STAT3: variants seen among roughly 807,000 people sequenced by gnomAD.
The protein encoded by STAT3 is DNA-binding protein APRF.
Under a neutral mutation model 114.3 loss-of-function variants are expected in STAT3, and 7 were observed. The observed-to-expected ratio is 0.06, with a 90% CI of 0.03 to 0.11. STAT3 has a LOEUF of 0.11. Ranked by LOEUF, STAT3 falls within the 10% of genes least tolerant of loss-of-function variation. The pLI, the probability that STAT3 is intolerant of heterozygous loss-of-function variation, is 1.00. For missense variants in STAT3, 364 were observed against 960.9 expected (o/e 0.38, Z 8.21); for synonymous variants, 331 against 354.5 (o/e 0.93, Z 0.74).
rs574084876 is a variant in STAT3, at chr17:42,319,291, C to T, written c.2102-2067G>A. Among the ~76,000 whole-genome samples, 5 of 152,070 alleles carry T rather than the reference C, an allele frequency of 3.3e-5. No homozygotes were observed. The East Asian group carries it at 5.8e-4, about 18-fold the overall frequency. On this transcript the variant is annotated intron_variant, in intron 21 of 23. Transcript: ENST00000264657. The stretch of plus-strand genomic sequence containing the variant: ...GCACTGTGGCTCACACCTATAATCC[C>T]AGCACTTTGGGAGGCCCAGGCGGGA...
At position 42,315,770 on chromosome 17, in the gene STAT3, G is replaced by C. The variant is rs140604473; in HGVS notation, c.2288C>G (p.Ser763Trp). 1 of 1,613,966 alleles carries C rather than the reference G, an allele frequency of 6.2e-7. No individual in the cohort carries two copies. Among genetic ancestry groups the C allele is most frequent in the Non-Finnish European group, 8.5e-7 (1 of 1,180,026 alleles). The change falls in exon 24 of 24, where the codon TCG (serine) becomes TGG (tryptophan). Residue 763 changes from serine to tryptophan, a missense_variant. Transcript: ENST00000264657. ...TCACATGGGGGAGGTAGCGCACTCC[G>C]AGGTCAACTCCATGTCAAAGGTGAG... is the stretch of plus-strand genomic sequence containing the variant. The part of the protein sequence containing the change: ...ESLTFDMELT[S>W]ECATSPM
rs2081213736 is a variant in STAT3, at chr17:42,315,498, T to C, written c.*247A>G. 5.0e-6 allele frequency: 3 copies of C among 598,074 alleles called. No homozygotes were observed. The highest frequency in any genetic ancestry group is 5.6e-5 in the East Asian group (2 of 35,972). The allele number at this position is 598,074 out of a possible 1,614,324, so 37.0% of individuals were successfully genotyped here. A position where few individuals can be genotyped will look rare whatever the true frequency, so the allele number is the denominator to read the frequency against. On this transcript the variant is annotated 3_prime_UTR_variant, in exon 24 of 24. Transcript: ENST00000264657. ...TCTAGCCACCCCCCGCCACATCCCC[T>C]GATCATGGGTCTCAGAGAACACATC...
chr17:42,325,853 C>T (rs1165833537), intron 15 of STAT3, among the ~76,000 whole-genome samples: 7 of 152,316 alleles, frequency 4.6e-5, no homozygotes, highest in South Asian at 4.1e-4. Context: ...TGAGCCACCG[C>T]GCCCGGCCAA....
intron 14 of STAT3, among the ~76,000 whole-genome samples, chr17:42,328,030 C>G (rs1191891714): frequency 8.5e-6 from 1 of 117,772 alleles, no homozygotes; most frequent in African/African-American, 4.5e-5. Flanking sequence ...GAACGAGACT[C>G]CGACTCAAAA....
chr17:42,324,564 C>T lies in STAT3; in HGVS notation c.1600+147G>A. On this transcript the variant is annotated intron_variant, in intron 17 of 23. Transcript: ENST00000264657. This position sits in a 1 kb window ranked among gnomAD's most constrained non-coding sequence, Gnocchi z 4.5. ...GTCTCTGCACCCCAACTCCCCAACT[C>T]CCCTGTTTCCTGGCACCAGCACAGC... 8.4e-7 allele frequency: 1 copy of T among 1,189,708 alleles called. No individual in the cohort carries two copies. Among genetic ancestry groups the T allele is most frequent in the Non-Finnish European group, 1.2e-6 (1 of 846,504 alleles). 73.7% of individuals were successfully genotyped at this position (1,189,708 alleles called of 1,614,324 possible).
intron 3 of STAT3, 143 bp downstream of exon 3, chr17:42,346,426 G>T: frequency 1.6e-6 from 2 of 1,215,672 alleles, no homozygotes; most frequent in Non-Finnish European, 2.4e-6. Flanking sequence ...TTTGAGAAAG[G>T]GCTAATTACT....
chr17:42,365,549 T>C (rs1490385899), intron 1 of STAT3, among the ~76,000 whole-genome samples: 1 of 151,982 alleles, frequency 6.6e-6, no homozygotes, highest in African/African-American at 2.4e-5. Context: ...TTTACTAACA[T>C]AGTGATTGAA....
In STAT3 at chr17:42,346,597, T is replaced by C. The variant is rs776494537; in HGVS notation, c.245A>G (p.Asn82Ser). ...AAGAAACTGCTTGATTCTTCGTAGATTGTGCTGATAGAGAACATTCGACTC... is the reference window on the plus strand; with the variant it reads ...AAGAAACTGCTTGATTCTTCGTAGACTGTGCTGATAGAGAACATTCGACTC... Reference protein sequence around the residue: ...LQESNVLYQHNLRRIKQFLQS... With the variant: ...LQESNVLYQHSLRRIKQFLQS... Residue 82 changes from asparagine (N) to serine (S), a missense_variant, in exon 3 of 24, where the codon AAT (asparagine) becomes AGT (serine). Coordinates refer to ENST00000264657, the MANE Select transcript of STAT3 (RefSeq NM_139276.3). 1 of 1,614,166 alleles carries C rather than the reference T, an allele frequency of 6.2e-7. No individual in the cohort carries two copies.
At chr17:42,368,732 C>A (rs2083939948) in intron 1 of STAT3, among the ~76,000 whole-genome samples, 1 of 136,890 alleles carries the variant, frequency 7.3e-6, no homozygotes, top group Admixed American at 7.4e-5. Flanking sequence ...TGCAACCAGC[C>A]TTTTTTTTTT....
At chr17:42,344,832 C>A (rs1398330155) in intron 4 of STAT3, among the ~76,000 whole-genome samples, 2 of 151,036 alleles carry the variant, frequency 1.3e-5, no homozygotes, top group African/African-American at 4.9e-5. Flanking sequence ...GGATTACAGG[C>A]GTGAGCTACT....
chr17:42,377,018 C>T (rs1465372813), intron 1 of STAT3, among the ~76,000 whole-genome samples: 18 of 152,106 alleles, frequency 1.2e-4, no homozygotes, highest in Non-Finnish European at 1.9e-4. Context: ...ACGATTAAAA[C>T]ATTAAAAATA....
intron 1 of STAT3, among the ~76,000 whole-genome samples, chr17:42,356,687 C>G (rs896726671): frequency 2.0e-5 from 3 of 152,122 alleles, no homozygotes; most frequent in African/African-American, 7.2e-5. Flanking sequence ...AAGCTGGTCT[C>G]AAACTCCTGG....
chr17:42,338,540 TGGACC>T lies in STAT3; in HGVS notation c.550+186_550+190del, dbSNP rs1243578668. Among the ~76,000 whole-genome samples the T allele has an allele frequency of 8.5e-4, 78 of 92,250 alleles. 3 individuals are homozygous for T. Among genetic ancestry groups the T allele is most frequent in the African/African-American group, 2.5e-3 (73 of 29,274 alleles). 60.5% of individuals were successfully genotyped at this position (92,250 alleles called of 152,430 possible). A position where few individuals can be genotyped will look rare whatever the true frequency, so the allele number is the denominator to read the frequency against. ...ACTCCTTGACCTGAGGGAATACTCC[TGGACC>T]TGAGGGAATACTCCTGGACCTGAGG... On this transcript the variant is annotated intron_variant, in intron 6 of 23. Transcript: ENST00000264657.
Position 42,314,557 on chromosome 17 carries a change from T to C in STAT3, c.*1188A>G, listed in dbSNP as rs2081184269. ...AGGCACCCACAGAAACAACCTAGCC[T>C]CTGAAACAGCAGATCAAGTCCAGGG... On this transcript the variant is annotated 3_prime_UTR_variant, in exon 24 of 24. Coordinates refer to ENST00000264657, the MANE Select transcript of STAT3 (RefSeq NM_139276.3). 8.6e-6 allele frequency: 2 copies of C among 232,730 alleles called. No homozygotes were observed. Among genetic ancestry groups the C allele is most frequent in the Non-Finnish European group, 1.7e-5 (2 of 117,532 alleles). 14.4% of individuals were successfully genotyped at this position (232,730 alleles called of 1,614,324 possible).
Position 42,359,061 on chromosome 17 carries a change from G to A in STAT3, c.-23-10522C>T, listed in dbSNP as rs377285371. Among the ~76,000 whole-genome samples the A allele has an allele frequency of 7.8e-4, 116 of 148,712 alleles. 1 individual carries two copies. Among genetic ancestry groups the A allele is most frequent in the African/African-American group, 2.6e-3 (104 of 40,574 alleles). On this transcript the variant is annotated intron_variant, in intron 1 of 23. Transcript: ENST00000264657. ...CACCATTCTCTTGCCTCAGCCTCCC[G>A]AGTAGCTGGGACTCCAGGCGCCCGC...
rs531492700 is a variant in STAT3 at position 42,327,877 on chromosome 17, C to G, written c.1281+1533G>C. On this transcript the variant is annotated intron_variant, in intron 14 of 23. Coordinates refer to ENST00000264657, the MANE Select transcript of STAT3 (RefSeq NM_139276.3). ...CCTGACCAATATGGTGAAACCCTGT[C>G]TCTACTAAAAATGCAAAAATTAGCC... Among the ~76,000 whole-genome samples, 5 of 152,074 alleles carry G rather than the reference C, an allele frequency of 3.3e-5. No homozygotes were observed. In the East Asian group the frequency reaches 9.7e-4, roughly 29 times the overall value.
intron 1 of STAT3, among the ~76,000 whole-genome samples, chr17:42,375,785 C>T (rs1165079416): frequency 2.7e-5 from 4 of 147,808 alleles, no homozygotes; most frequent in South Asian, 4.3e-4. Flanking sequence ...GCCGAGATCG[C>T]GCCATTGCAC....
rs2082794176 is a variant in STAT3 at position 42,348,451 on chromosome 17, G to A, written c.66C>T (p.Tyr22=). The part of the protein sequence containing the change: ...TRYLEQLHQL[Y]SDSFPMELRQ... ...GCAGCTCCATTGGGAAGCTGTCACT[G>A]TAGAGCTGATGGAGCTGCTCCAGGT... is the stretch of plus-strand genomic sequence containing the variant. The change falls in exon 2 of 24, where the codon TAC becomes TAT. Residue 22 remains tyrosine, a synonymous_variant. Transcript: ENST00000264657. 3.1e-6 allele frequency: 5 copies of A among 1,613,988 alleles called. No individual in the cohort carries two copies. Among genetic ancestry groups the A allele is most frequent in the African/African-American group, 1.3e-5 (1 of 74,918 alleles).
rs59204136 is a variant in STAT3, at chr17:42,354,806, C to CAAAA, written c.-23-6271_-23-6268dup. Among the ~76,000 whole-genome samples, 2 of 104,440 alleles carry CAAAA rather than the reference C, an allele frequency of 1.9e-5. 1 individual carries two copies. The highest frequency in any genetic ancestry group is 6.8e-4 in the South Asian group (2 of 2,932). 68.5% of individuals were successfully genotyped at this position (104,440 alleles called of 152,430 possible). On this transcript the variant is annotated intron_variant, in intron 1 of 23. Coordinates refer to ENST00000264657, the MANE Select transcript of STAT3 (RefSeq NM_139276.3). ...TGGGCAACAGAGTGAGACTCTGTCTCAAAAAAAAAAAAAAGAAGGCACCAG... is the reference window on the plus strand; with the variant it reads ...TGGGCAACAGAGTGAGACTCTGTCTCAAAAAAAAAAAAAAAAAAGAAGGCACCAG...
Sources: gnomAD v4.1 joint callset for allele counts (sites outside exome capture counted in the v4.1 genomes callset) on GRCh38, gnomAD v4.1.1 for gene constraint, Gnocchi (gnomAD v3.1) non-coding constraint, MANE v1.5 for transcripts, NCBI Gene and HGNC (gene_info 2026-07-23, HGNC 2026-07-21) for gene names.